The following GABPA variants were observed in gnomAD, a reference collection of about 807,000 sequenced individuals.
The protein encoded by GABPA is GA binding protein transcription factor subunit alpha.
Under a neutral mutation model 59.4 loss-of-function variants are expected in GABPA, and 4 were observed. The observed-to-expected ratio is 0.07, with a 90% CI of 0.03 to 0.15. GABPA has a LOEUF of 0.15. GABPA is among the 10% of genes least tolerant of loss of function. GABPA has a pLI of 1.00. For synonymous variants in GABPA, 164 were observed against 183.1 expected, an observed-to-expected ratio of 0.90 and a Z score of 0.84; for missense variants, 251 against 543.8, an observed-to-expected ratio of 0.46 and a Z score of 5.36.
intron 4 of GABPA, among the ~76,000 whole-genome samples, chr21:25,751,141 T>C (rs2035499198): frequency 6.6e-6 from 1 of 152,056 alleles, no homozygotes; most frequent in South Asian, 2.1e-4. Flanking sequence ...AAGGGCTAAT[T>C]CCATTTTGAA....
At chr21:25,736,038 A>G (rs1054147611) in intron 1 of GABPA, among the ~76,000 whole-genome samples, 6 of 152,140 alleles carry the variant, frequency 3.9e-5, no homozygotes, top group Non-Finnish European at 5.9e-5. Context: ...TTATAGAACA[A>G]CACACACCAG....
chr21:25,757,914 A>G (rs1444562551), intron 5 of GABPA, 96 bp from the exon 6 acceptor site: 2 of 504,414 alleles, frequency 4.0e-6, no homozygotes, highest in Admixed American at 3.9e-5. Context: ...GGGGAAAGAA[A>G]ACATCTGTGT....
chr21:25,737,603 T>C (rs951790034), intron 1 of GABPA, among the ~76,000 whole-genome samples: 9 of 152,314 alleles, frequency 5.9e-5, no homozygotes, highest in African/African-American at 1.9e-4. Flanking sequence ...CTTCCTATTT[T>C]AGTGTTTATG....
At chr21:25,742,217 A>T (rs2123495459) in intron 2 of GABPA, among the ~76,000 whole-genome samples, 1 of 80,196 alleles carries the variant, frequency 1.2e-5, no homozygotes, top group African/African-American at 5.1e-5. Flanking sequence ...GGAGGACAGT[A>T]GTAATGAGTT....
chr21:25,735,023 G>T lies in GABPA; in HGVS notation c.-582G>T. The T allele has an allele frequency of 6.6e-7, 1 of 1,513,464 alleles. No homozygotes were observed. Among genetic ancestry groups the T allele is most frequent in the Non-Finnish European group, 8.9e-7 (1 of 1,119,144 alleles). The allele number at this position is 1,513,464 out of a possible 1,614,324, so 93.8% of individuals were successfully genotyped here. ...AGCGTCTCGGAGACAGTCTGCGACC[G>T]GACGGGTCTAGGTGAGACAGAAGCC... is the stretch of plus-strand genomic sequence containing the variant. On this transcript the variant is annotated 5_prime_UTR_variant, in exon 1 of 10. Transcript: ENST00000400075.
At position 25,735,039 on chromosome 21, in the gene GABPA, G is replaced by A; in HGVS notation, c.-566G>A. On this transcript the variant is annotated 5_prime_UTR_variant, in exon 1 of 10. Transcript: ENST00000400075. ...TCTGCGACCGGACGGGTCTAGGTGAGACAGAAGCCAAACAGGAGGAGGAAG... is the reference window on the plus strand; with the variant it reads ...TCTGCGACCGGACGGGTCTAGGTGAAACAGAAGCCAAACAGGAGGAGGAAG... 17 of 1,414,904 alleles carry A rather than the reference G, an allele frequency of 1.2e-5. No homozygotes were observed. Among genetic ancestry groups the A allele is most frequent in the Non-Finnish European group, 1.6e-5 (17 of 1,031,554 alleles). The allele number at this position is 1,414,904 out of a possible 1,614,324, so 87.6% of individuals were successfully genotyped here.
At chr21:25,766,921 C>G (rs2035904358) in intron 9 of GABPA, among the ~76,000 whole-genome samples, 1 of 151,906 alleles carries the variant, frequency 6.6e-6, no homozygotes, top group East Asian at 1.9e-4. Context: ...TATATTCATA[C>G]AAGAATACCT....
At chr21:25,749,731 T>C (rs2035460035) in intron 4 of GABPA, among the ~76,000 whole-genome samples, 1 of 152,150 alleles carries the variant, frequency 6.6e-6, no homozygotes, top group South Asian at 2.1e-4. Flanking sequence ...CTTGGGAGGC[T>C]AAGACAGGAA....
intron 5 of GABPA, among the ~76,000 whole-genome samples, chr21:25,757,142 T>G (rs1308258922): frequency 6.6e-6 from 1 of 152,214 alleles, no homozygotes. Context: ...CATTTATTTA[T>G]TGGGTATATA....
At chr21:25,763,250 G>GA in intron 7 of GABPA, 1 of 424,074 alleles carries the variant, frequency 2.4e-6, no homozygotes, top group South Asian at 2.3e-5. Flanking sequence ...ATACTTTTAA[G>GA]CCTGCTGAGC....
Position 25,758,028 on chromosome 21 carries a change from C to T in GABPA, c.572C>T (p.Thr191Ile). ...GIPYDPIQWSTDQVLHWVVWV... is the reference protein window; with the variant it reads ...GIPYDPIQWSIDQVLHWVVWV... ...TTTCTAGATCCCATACAGTGGTCCACAGACCAAGTCCTGCATTGGGTGGTT... is the reference window on the plus strand; with the variant it reads ...TTTCTAGATCCCATACAGTGGTCCATAGACCAAGTCCTGCATTGGGTGGTT... The change falls in exon 6 of 10, where the codon ACA becomes ATA. Residue 191 changes from threonine (T) to isoleucine (I), a missense_variant. Around this residue, in one of 4 missense-constraint regions of GABPA, gnomAD observed 207 missense variants for 366.7 expected, o/e 0.56. Coordinates refer to ENST00000400075, the MANE Select transcript of GABPA (RefSeq NM_002040.4). 6.3e-7 allele frequency: 1 copy of T among 1,583,652 alleles called. No homozygotes were observed. The highest frequency in any genetic ancestry group is 8.6e-7 in the Non-Finnish European group (1 of 1,168,118).
Position 25,771,645 on chromosome 21 carries a change from G to C in GABPA, c.*2413G>C, listed in dbSNP as rs2036013031. ...GAAAATAAAATTTATGCTATTCTTTGCTTTGTTTTTATAAATGAATTTTTC... is the reference window on the plus strand; with the variant it reads ...GAAAATAAAATTTATGCTATTCTTTCCTTTGTTTTTATAAATGAATTTTTC... On this transcript the variant is annotated 3_prime_UTR_variant, in exon 10 of 10. Transcript: ENST00000400075. 1 of 147,342 alleles carries C rather than the reference G, an allele frequency of 6.8e-6. No homozygotes were observed. The highest frequency in any genetic ancestry group is 2.1e-4 in the South Asian group (1 of 4,814). The allele number at this position is 147,342 out of a possible 1,614,324, so 9.1% of individuals were successfully genotyped here. A position where few individuals can be genotyped will look rare whatever the true frequency, so the allele number is the denominator to read the frequency against.
chr21:25,762,485 GTTC>G, intron 7 of GABPA, 120 bp downstream of exon 7: 2 of 636,438 alleles, frequency 3.1e-6, no homozygotes, highest in Non-Finnish European at 5.4e-6. Flanking sequence ...AATATCTTTT[GTTC>G]TGTGGAATGA....
At chr21:25,741,156 G>C (rs915999505) in intron 1 of GABPA, among the ~76,000 whole-genome samples, 1 of 152,004 alleles carries the variant, frequency 6.6e-6, no homozygotes, top group African/African-American at 2.4e-5. Context: ...TTTCAAACAG[G>C]GTCTCTTGTC....
At chr21:25,740,807 C>T (rs891474157) in intron 1 of GABPA, among the ~76,000 whole-genome samples, 2 of 152,208 alleles carry the variant, frequency 1.3e-5, no homozygotes, top group African/African-American at 2.4e-5. Flanking sequence ...TTATAAGAGA[C>T]ATCATTTGTA....
rs1443725362 is a variant in GABPA at position 25,771,620 on chromosome 21, G to T, written c.*2388G>T. On this transcript the variant is annotated 3_prime_UTR_variant, in exon 10 of 10. Coordinates refer to ENST00000400075, the MANE Select transcript of GABPA (RefSeq NM_002040.4). Reference sequence around the variant, plus strand: ...TCTATTAAAATATAACATTGTGAAAGAAAATAAAATTTATGCTATTCTTTG... The same window carrying T: ...TCTATTAAAATATAACATTGTGAAATAAAATAAAATTTATGCTATTCTTTG... The T allele has an allele frequency of 6.6e-6, 1 of 151,728 alleles. No homozygotes were observed. Among genetic ancestry groups the T allele is most frequent in the Non-Finnish European group, 1.5e-5 (1 of 67,820 alleles). The allele number at this position is 151,728 out of a possible 1,614,324, so 9.4% of individuals were successfully genotyped here. A position where few individuals can be genotyped will look rare whatever the true frequency, so the allele number is the denominator to read the frequency against.
chr21:25,749,213 C>T, intron 4 of GABPA, 93 bp downstream of exon 4: 1 of 724,686 alleles, frequency 1.4e-6, no homozygotes, highest in Non-Finnish European at 2.4e-6. Flanking sequence ...TGGTTGTCTA[C>T]ATTACTTGAT....
intron 2 of GABPA, among the ~76,000 whole-genome samples, chr21:25,742,759 CAAA>C (rs33986584): frequency 2.6e-4 from 37 of 142,620 alleles, no homozygotes; most frequent in Admixed American, 6.3e-4. Context: ...ACAAAACATA[CAAA>C]AAAAAAAAAA....
At position 25,740,118 on chromosome 21, in the gene GABPA, A is replaced by G. The variant is rs563349490; in HGVS notation, c.-26-1455A>G. Among the ~76,000 whole-genome samples, 9 of 152,312 alleles carry G rather than the reference A, an allele frequency of 5.9e-5. No homozygotes were observed. The South Asian group carries it at 1.9e-3, about 32-fold the overall frequency. On this transcript the variant is annotated intron_variant, in intron 1 of 9. Transcript: ENST00000400075. The stretch of plus-strand genomic sequence containing the variant: ...CCATGGTTCATCCCCATCTGGAATG[A>G]TACCTACTTAGGTTGATACACCAAA...
Sources: gnomAD v4.1 joint callset for allele counts (sites outside exome capture counted in the v4.1 genomes callset) on GRCh38, gnomAD v4.1.1 for gene constraint, gnomAD v4.1.1 regional missense constraint, MANE v1.5 for transcripts, NCBI Gene and HGNC (gene_info 2026-07-23, HGNC 2026-07-21) for gene names.